The following HIVEP2 variants were observed in gnomAD, a reference collection of about 807,000 sequenced individuals.
HIVEP2 encodes the protein HIVEP zinc finger 2.
Under a neutral mutation model 180.7 loss-of-function variants are expected in HIVEP2, and 14 were observed. The ratio of observed to expected loss-of-function variants is 0.08; its 90% CI spans 0.05 to 0.12. The LOEUF is 0.12. Among genes scored for constraint, HIVEP2 ranks in the 10% least tolerant of loss-of-function variants. HIVEP2 has a pLI of 1.00. For missense variants in HIVEP2, 2,579 were observed against 3,008.5 expected (o/e 0.86, Z 3.34); for synonymous variants, 1,184 against 1,136.4 (o/e 1.04, Z -0.84).
chr6:142,902,947 G>T (rs13195529), intron 1 of HIVEP2, among the ~76,000 whole-genome samples: 1 of 152,158 alleles, frequency 6.6e-6, no homozygotes, highest in Non-Finnish European at 1.5e-5. Context: ...TGGAGACAGG[G>T]GGGTGAGGAG....
chr6:142,760,710 A>G (rs197462), intron 8 of HIVEP2, 43 bp from the exon 9 acceptor site: 995,313 of 1,400,686 alleles, frequency 0.71, 356,346 homozygotes, highest in African/African-American at 0.91. Flanking sequence ...AGATCCAAAT[A>G]TCAAGGTTAG....
intron 2 of HIVEP2, among the ~76,000 whole-genome samples, chr6:142,825,312 A>T (rs1457257796): frequency 6.7e-6 from 1 of 149,390 alleles, no homozygotes; most frequent in African/African-American, 2.5e-5. Context: ...ACACACACAC[A>T]CATCACATAC....
chr6:142,772,288 A>G lies in HIVEP2; in HGVS notation c.2451T>C (p.Ser817=). The G allele has an allele frequency of 6.2e-7, 1 of 1,614,252 alleles. No individual in the cohort carries two copies. Among genetic ancestry groups the G allele is most frequent in the Non-Finnish European group, 8.5e-7 (1 of 1,180,052 alleles). ...SLSRPNSFER[S]ESAELVACTQ... The stretch of plus-strand genomic sequence containing the variant: ...TGCAAGCCACAAGTTCGGCTGACTC[A>G]GACCTTTCAAATGAATTGGGTCGGC... The change falls in exon 5 of 10, where the codon TCT becomes TCC. Residue 817 remains serine, a synonymous_variant. Coordinates refer to ENST00000367603, the MANE Select transcript of HIVEP2 (RefSeq NM_006734.4). This position sits in a 1 kb window ranked among gnomAD's most constrained non-coding sequence, Gnocchi z 4.9.
At chr6:142,818,360 C>T (rs574111258) in intron 2 of HIVEP2, among the ~76,000 whole-genome samples, 2 of 152,120 alleles carry the variant, frequency 1.3e-5, no homozygotes, top group Non-Finnish European at 2.9e-5. Context: ...ATGGTTGTAG[C>T]TGTAAGTTTC....
chr6:142,860,337 C>T (rs1157640124), intron 1 of HIVEP2, among the ~76,000 whole-genome samples: 2 of 152,142 alleles, frequency 1.3e-5, no homozygotes, highest in Non-Finnish European at 2.9e-5. Flanking sequence ...TAAAGCTCTA[C>T]AACAGTGGTC....
intron 1 of HIVEP2, among the ~76,000 whole-genome samples, chr6:142,853,140 A>T (rs1301752596): frequency 6.6e-6 from 1 of 152,192 alleles, no homozygotes; most frequent in Non-Finnish European, 1.5e-5. Flanking sequence ...GATTAAGTTC[A>T]TTTGGCACAG....
At chr6:142,903,380 C>G in intron 1 of HIVEP2, among the ~76,000 whole-genome samples, 1 of 152,090 alleles carries the variant, frequency 6.6e-6, no homozygotes, top group East Asian at 1.9e-4. Context: ...ATACAGTGTC[C>G]TGGACTTGGA....
rs974619485 is a variant in HIVEP2, at chr6:142,932,554, T to A, written c.-641+12545A>T. Among the ~76,000 whole-genome samples, 8 of 152,158 alleles carry A rather than the reference T, an allele frequency of 5.3e-5. No homozygotes were observed. In the East Asian group the frequency reaches 1.5e-3, roughly 29 times the overall value. On this transcript the variant is annotated intron_variant, in intron 1 of 9. Coordinates refer to ENST00000367603, the MANE Select transcript of HIVEP2 (RefSeq NM_006734.4). Reference sequence around the variant, plus strand: ...TAATAAAATAAAAATGAAAACAACATCCTATGAGGTCTAGTTGAAAGAACT... The same window carrying A: ...TAATAAAATAAAAATGAAAACAACAACCTATGAGGTCTAGTTGAAAGAACT...
At chr6:142,936,446 T>C (rs1338386005) in intron 1 of HIVEP2, among the ~76,000 whole-genome samples, 2 of 151,828 alleles carry the variant, frequency 1.3e-5, no homozygotes, top group Non-Finnish European at 1.5e-5. Flanking sequence ...CACCTCAGCG[T>C]CCCAAAATGC....
chr6:142,922,847 C>T (rs980662606), intron 1 of HIVEP2, among the ~76,000 whole-genome samples: 1 of 152,108 alleles, frequency 6.6e-6, no homozygotes, highest in Non-Finnish European at 1.5e-5. Flanking sequence ...GTCTTGTCCC[C>T]TCCTATTATT....
chr6:142,769,474 C>G, intron 5 of HIVEP2, 78 bp downstream of exon 5: 1 of 1,253,350 alleles, frequency 8.0e-7, no homozygotes, highest in African/African-American at 1.5e-5. Context: ...TTTTTTTAGG[C>G]CTTATATCCT....
chr6:142,929,140 T>C (rs1376994900), intron 1 of HIVEP2, among the ~76,000 whole-genome samples: 4 of 152,230 alleles, frequency 2.6e-5, no homozygotes, highest in African/African-American at 9.6e-5. Flanking sequence ...AACATACTTA[T>C]ACTTGTTCCT....
intron 2 of HIVEP2, among the ~76,000 whole-genome samples, chr6:142,811,899 A>C (rs1438677801): frequency 6.6e-6 from 1 of 152,240 alleles, no homozygotes; most frequent in South Asian, 2.1e-4. Flanking sequence ...GCCTGAAAAC[A>C]GCGATAGAAG....
chr6:142,886,644 T>A (rs892194601), intron 1 of HIVEP2, among the ~76,000 whole-genome samples: 1 of 152,190 alleles, frequency 6.6e-6, no homozygotes, highest in African/African-American at 2.4e-5. Context: ...AATCCTTTCC[T>A]AATTGTGGAC....
At chr6:142,810,761 C>CAAAAAAAAAAAAAAAAAAAA (rs60893476) in intron 2 of HIVEP2, among the ~76,000 whole-genome samples, 2 of 100,750 alleles carry the variant, frequency 2.0e-5, no homozygotes, top group African/African-American at 8.3e-5. Context: ...GACTCTGTCT[C>CAAAAAAAAAAAAAAAAAAAA]AAAAAAAAAA....
rs563932208 is a variant in HIVEP2, at chr6:142,819,864, A to G, written c.-528+17071T>C. ...TTCCACTTTCTGGCTCCCAAAGCTT[A>G]GATCCACAGTACATCCATGTCCGTG... On this transcript the variant is annotated intron_variant, in intron 2 of 9. Coordinates refer to ENST00000367603, the MANE Select transcript of HIVEP2 (RefSeq NM_006734.4). Among the ~76,000 whole-genome samples the G allele has an allele frequency of 2.6e-5, 4 of 152,338 alleles. No individual in the cohort carries two copies. In the South Asian group the frequency reaches 8.3e-4, roughly 32 times the overall value.
At chr6:142,945,544 C>A (rs73777826), upstream of HIVEP2, among the ~76,000 whole-genome samples, 12 of 152,256 alleles carry the variant, frequency 7.9e-5, no homozygotes, top group African/African-American at 2.9e-4. The surrounding 1 kb of genome is among the most constrained non-coding windows in gnomAD (Gnocchi z 5.5). Context: ...GTGGCCGGTC[C>A]GCCCTCCGCG....
chr6:142,828,233 C>G (rs1774966974), intron 2 of HIVEP2, among the ~76,000 whole-genome samples: 1 of 152,182 alleles, frequency 6.6e-6, no homozygotes, highest in Non-Finnish European at 1.5e-5. Context: ...TTGAGACTTG[C>G]CTCTGTTAGT....
intron 9 of HIVEP2, among the ~76,000 whole-genome samples, chr6:142,755,660 C>T (rs1250460898): frequency 6.6e-6 from 1 of 152,126 alleles, no homozygotes; most frequent in Non-Finnish European, 1.5e-5. Context: ...GACTTGAGAT[C>T]CCCAAATCCA....
Sources: allele counts gnomAD v4.1 joint callset (sites outside exome capture counted in the v4.1 genomes callset), GRCh38; gene constraint gnomAD v4.1.1; non-coding constraint Gnocchi (gnomAD v3.1); transcripts MANE v1.5; gene names NCBI Gene and HGNC (gene_info 2026-07-23, HGNC 2026-07-21).